Variants in DHX57 observed in about 807,000 individuals in gnomAD.
The protein encoded by DHX57 is DExH-box helicase 57.
Under a neutral mutation model 156.2 loss-of-function variants are expected in DHX57, and 105 were observed. The observed-to-expected ratio is 0.67, with a 90% CI of 0.57 to 0.79. The LOEUF (loss-of-function observed/expected upper bound fraction) is 0.79, where lower values mean the gene tolerates loss of function less well. DHX57 is among the 30% of genes least tolerant of loss of function. The probability of loss-of-function intolerance (pLI) is 0.00; values close to 1 mark genes in which losing one functional copy is unlikely to be tolerated. For synonymous variants in DHX57, 704 were observed against 595.6 expected (o/e 1.18, Z -2.65); for missense variants, 1,847 against 1,661.9 (o/e 1.11, Z -1.94).
rs577710050 is a variant in DHX57, at chr2:38,864,011, A to T, written c.225-492T>A. Among the ~76,000 whole-genome samples the T allele has an allele frequency of 2.1e-5, 3 of 142,122 alleles. No homozygotes were observed. In the South Asian group the frequency reaches 6.6e-4, roughly 31 times the overall value. The allele number at this position is 142,122 out of a possible 152,430, so 93.2% of individuals were successfully genotyped here. The stretch of plus-strand genomic sequence containing the variant: ...TGGGCAACAGAGCGAGATTCCGTTT[A>T]AAAAAAAAAAAAACAACAAAACTTA... On this transcript the variant is annotated intron_variant, in intron 2 of 23. Transcript: ENST00000457308.
In DHX57 at chr2:38,868,178, T is replaced by G. The variant is rs770576672; in HGVS notation, c.224+4A>C. ...TATTTAAACATTCAAAGAGTTATAA[T>G]GACCTGGAAGGGCGCCTTGATTCAC... On this transcript the variant is annotated splice_donor_region_variant and intron_variant, in intron 2 of 23. Transcript: ENST00000457308. The G allele has an allele frequency of 6.2e-7, 1 of 1,613,608 alleles. No individual in the cohort carries two copies. Among genetic ancestry groups the G allele is most frequent in the Non-Finnish European group, 8.5e-7 (1 of 1,179,834 alleles).
intron 13 of DHX57, among the ~76,000 whole-genome samples, chr2:38,831,175 T>C (rs1273614156): frequency 6.6e-6 from 1 of 151,922 alleles, no homozygotes; most frequent in African/African-American, 2.4e-5. Flanking sequence ...CTATTATATA[T>C]GGATTGAAAA....
Position 38,868,354 on chromosome 2 carries a change from C to G in DHX57, c.52G>C (p.Gly18Arg). 1 of 1,613,854 alleles carries G rather than the reference C, an allele frequency of 6.2e-7. No homozygotes were observed. The highest frequency in any genetic ancestry group is 8.5e-7 in the Non-Finnish European group (1 of 1,180,026). Residue 18 changes from glycine (G) to arginine (R), a missense_variant, in exon 2 of 24, where the codon GGG becomes CGG. By Grantham distance (125) the Gly-to-Arg change is moderately radical. Transcript: ENST00000457308. ...CCTCCTCTTCCTCCTCTAGAAGACC[C>G]TTTTCCACCTCCTTTGCCTGGCTTG... Reference protein sequence around the residue: ...KGKPGKGGGKGSSRGGRGGRS... With the variant: ...KGKPGKGGGKRSSRGGRGGRS...
chr2:38,816,921 T>A (rs921672685), intron 19 of DHX57, among the ~76,000 whole-genome samples: 1 of 152,150 alleles, frequency 6.6e-6, no homozygotes, highest in African/African-American at 2.4e-5. Context: ...AAAAATTTAG[T>A]AGGAAATGTA....
intron 12 of DHX57, among the ~76,000 whole-genome samples, chr2:38,842,667 G>A (rs866853165): frequency 6.6e-6 from 1 of 152,030 alleles, no homozygotes; most frequent in Non-Finnish European, 1.5e-5. Context: ...AGAGTTCATC[G>A]TTTAGCCTTG....
intron 1 of DHX57, among the ~76,000 whole-genome samples, chr2:38,869,543 C>T (rs577650697): frequency 1.3e-5 from 2 of 152,334 alleles, no homozygotes; most frequent in South Asian, 4.1e-4. Flanking sequence ...GGAATTTACT[C>T]TCCAGAGCAT....
In DHX57 at chr2:38,854,157, A is replaced by G. The variant is rs1424542681; in HGVS notation, c.1927T>C (p.Tyr643His). 5 of 1,613,830 alleles carry G rather than the reference A, an allele frequency of 3.1e-6. No homozygotes were observed. In the African/African-American group the frequency reaches 4.0e-5, roughly 13 times the overall value. The change falls in exon 9 of 24, where the codon TAC becomes CAC. Residue 643 changes from tyrosine (Y) to histidine (H), a missense_variant. Tyr to His is a moderately conservative substitution (Grantham distance 83). Transcript: ENST00000457308. ...CTCAGCAGCACTCCCGTGGTGCAGT[A>G]TAACAGTCTGGTGGCTGAGGACTTA... is the stretch of plus-strand genomic sequence containing the variant. ...SVKSSATRLL[Y>H]CTTGVLLRRL... is the part of the protein sequence containing the mutation.
intron 16 of DHX57, 75 bp from the exon 17 acceptor site, chr2:38,823,344 G>C: frequency 7.3e-7 from 1 of 1,378,072 alleles, no homozygotes; most frequent in Non-Finnish European, 9.8e-7. Flanking sequence ...TTTCTTTTGT[G>C]AGTGATAATA....
chr2:38,865,212 C>T (rs996299217), intron 2 of DHX57, among the ~76,000 whole-genome samples: 2 of 152,148 alleles, frequency 1.3e-5, no homozygotes, highest in African/African-American at 4.8e-5. Context: ...AGTCAAATCT[C>T]ATCTTCAATT....
At chr2:38,873,878 T>G (rs1219761387) in intron 1 of DHX57, among the ~76,000 whole-genome samples, 1 of 152,094 alleles carries the variant, frequency 6.6e-6, no homozygotes, top group African/African-American at 2.4e-5. Context: ...AAGGCCTCTT[T>G]GAGATTTTAA....
intron 11 of DHX57, among the ~76,000 whole-genome samples, chr2:38,845,349 T>C (rs1672215531): frequency 1.3e-5 from 2 of 152,176 alleles, no homozygotes; most frequent in Admixed American, 6.5e-5. Context: ...AAAATAATAA[T>C]TCTAATAAGC....
At chr2:38,874,594 A>G (rs1665516932) in intron 1 of DHX57, among the ~76,000 whole-genome samples, 1 of 151,774 alleles carries the variant, frequency 6.6e-6, no homozygotes, top group Non-Finnish European at 1.5e-5. Flanking sequence ...TATTTTTAGT[A>G]GAGACAGGGT....
intron 21 of DHX57, chr2:38,811,676 A>G: frequency 1.9e-6 from 2 of 1,069,274 alleles, no homozygotes; most frequent in Non-Finnish European, 2.8e-6. Context: ...TTGGAGGTGC[A>G]ATTCCTGGTG....
In DHX57 at chr2:38,854,075, A is replaced by C. The variant is rs951999177; in HGVS notation, c.2009T>G (p.Val670Gly). ...TTACCTTTCTTCTGTCCTCTCATGA[A>C]CTTCATCAACAATGATATGGGAAAC... ...QGVSHIIVDE[V>G]HERTEESDFL... Residue 670 changes from valine to glycine, a missense_variant, in exon 9 of 24, where the codon GTT becomes GGT. Coordinates refer to ENST00000457308, the MANE Select transcript of DHX57 (RefSeq NM_198963.3). The C allele has an allele frequency of 1.9e-6, 3 of 1,613,224 alleles. No homozygotes were observed. Among genetic ancestry groups the C allele is most frequent in the African/African-American group, 2.7e-5 (2 of 74,980 alleles).
intron 11 of DHX57, among the ~76,000 whole-genome samples, chr2:38,845,484 C>A (rs1160691838): frequency 6.6e-6 from 1 of 151,960 alleles, no homozygotes; most frequent in Non-Finnish European, 1.5e-5. Flanking sequence ...AAGGAAGGAA[C>A]AGAGAAGGAG....
Position 38,854,128 on chromosome 2 carries a change from CCTT to C in DHX57, c.1953_1955del (p.Arg652del), listed in dbSNP as rs1433234493. 21 of 1,614,056 alleles carry C rather than the reference CCTT, an allele frequency of 1.3e-5. No homozygotes were observed. Among genetic ancestry groups the C allele is most frequent in the Non-Finnish European group, 1.7e-5 (20 of 1,179,928 alleles). ...CTTGTAGAGCTGTATCTCCTTCTAG[CCTT>C]CTCAGCAGCACTCCCGTGGTGCAGT... On this transcript the variant is annotated inframe_deletion, in exon 9 of 24. Transcript: ENST00000457308.
At chr2:38,837,719 G>T in intron 13 of DHX57, 112 bp downstream of exon 13, 1 of 677,970 alleles carries the variant, frequency 1.5e-6, no homozygotes, top group Non-Finnish European at 2.6e-6. Context: ...CCACTGCCTT[G>T]TAGCCTGTGT....
chr2:38,868,719 A>C (rs1665206120), intron 1 of DHX57, among the ~76,000 whole-genome samples: 1 of 152,228 alleles, frequency 6.6e-6, no homozygotes, highest in Admixed American at 6.5e-5. Flanking sequence ...AAAGATGTAC[A>C]TCATAAACAC....
intron 13 of DHX57, among the ~76,000 whole-genome samples, chr2:38,831,870 T>G (rs1423296149): frequency 7.0e-6 from 1 of 142,564 alleles, no homozygotes. Context: ...ATTACAAAAA[T>G]TAGCTGGGGG....
Sources: gnomAD v4.1 joint callset for allele counts (sites outside exome capture counted in the v4.1 genomes callset) on GRCh38, gnomAD v4.1.1 for gene constraint, MANE v1.5 for transcripts, NCBI Gene and HGNC (gene_info 2026-07-23, HGNC 2026-07-21) for gene names.